MAGI2: variants seen among roughly 807,000 people sequenced by gnomAD.
MAGI2 encodes membrane associated guanylate kinase, WW and PDZ domain containing 2.
In MAGI2, 35 loss-of-function variants were observed where a neutral mutation model predicts 133.3. The observed-to-expected ratio is 0.26, with a 90% CI of 0.20 to 0.35. MAGI2 has a LOEUF of 0.35. Ranked by LOEUF, MAGI2 falls within the 10% of genes least tolerant of loss-of-function variation. The pLI, the probability that MAGI2 is intolerant of heterozygous loss-of-function variation, is 1.00. For synonymous variants in MAGI2, 729 were observed against 710.6 expected, an observed-to-expected ratio of 1.03 and a Z score of -0.41; for missense variants, 1,636 against 1,863.4, an observed-to-expected ratio of 0.88 and a Z score of 2.25.
chr7:78,960,530 A>G (rs1802749745), intron 2 of MAGI2, among the ~76,000 whole-genome samples: 1 of 152,128 alleles, frequency 6.6e-6, no homozygotes. Context: ...TGCAGAAATC[A>G]TATTCAAAGA....
intron 1 of MAGI2, among the ~76,000 whole-genome samples, chr7:79,023,058 A>G (rs1466437485): frequency 6.6e-6 from 1 of 152,136 alleles, no homozygotes; most frequent in African/African-American, 2.4e-5. Flanking sequence ...GGCTAATATC[A>G]TTTATGAATA....
chr7:78,605,202 T>C (rs1224344816), intron 3 of MAGI2, among the ~76,000 whole-genome samples: 5 of 152,196 alleles, frequency 3.3e-5, no homozygotes, highest in Non-Finnish European at 2.9e-5. Context: ...TTAGACTAGG[T>C]TGATGGCAAT....
At chr7:78,462,894 T>G (rs577781727) in intron 6 of MAGI2, among the ~76,000 whole-genome samples, 2 of 152,136 alleles carry the variant, frequency 1.3e-5, no homozygotes, top group African/African-American at 4.8e-5. Context: ...CAACTTAACA[T>G]GAAGATATTC....
At chr7:78,609,953 T>C (rs1319710369) in intron 3 of MAGI2, among the ~76,000 whole-genome samples, 1 of 152,126 alleles carries the variant, frequency 6.6e-6, no homozygotes, top group Non-Finnish European at 1.5e-5. Context: ...ATTGTATCTC[T>C]TGGTGGCAGC....
At chr7:78,767,826 C>G (rs1201432159) in intron 2 of MAGI2, among the ~76,000 whole-genome samples, 1 of 152,164 alleles carries the variant, frequency 6.6e-6, no homozygotes, top group Non-Finnish European at 1.5e-5. Context: ...AAGCTCAAAG[C>G]TATAGGAATA....
intron 10 of MAGI2, among the ~76,000 whole-genome samples, chr7:78,209,498 T>C (rs1787552900): frequency 1.3e-5 from 2 of 151,796 alleles, no homozygotes; most frequent in Admixed American, 6.6e-5. Context: ...CCTGACCTCA[T>C]GATCTGCCCA....
chr7:78,420,921 A>G (rs1798735633), intron 6 of MAGI2, among the ~76,000 whole-genome samples: 1 of 152,218 alleles, frequency 6.6e-6, no homozygotes, highest in Non-Finnish European at 1.5e-5. Flanking sequence ...AGAGAAAGAA[A>G]GGAATAAAGT....
chr7:78,934,210 T>C (rs1419926313), intron 2 of MAGI2, among the ~76,000 whole-genome samples: 1 of 152,162 alleles, frequency 6.6e-6, no homozygotes, highest in Non-Finnish European at 1.5e-5. Context: ...CAAGCAATTC[T>C]CCTGCCTCAG....
At chr7:78,089,453 A>G (rs1364665197) in intron 20 of MAGI2, among the ~76,000 whole-genome samples, 1 of 152,252 alleles carries the variant, frequency 6.6e-6, no homozygotes, top group Non-Finnish European at 1.5e-5. Flanking sequence ...AACATCAAAT[A>G]TGCCAAATAT....
chr7:78,846,889 G>T (rs1792663305), intron 2 of MAGI2, among the ~76,000 whole-genome samples: 1 of 151,828 alleles, frequency 6.6e-6, no homozygotes, highest in East Asian at 1.9e-4. Flanking sequence ...TTATTTTCCT[G>T]GTAGGGGAAG....
chr7:78,619,746 C>G (rs1807518900), intron 3 of MAGI2, among the ~76,000 whole-genome samples: 1 of 151,920 alleles, frequency 6.6e-6, no homozygotes, highest in South Asian at 2.1e-4. Flanking sequence ...CGTACACTAT[C>G]TGTTGATAAC....
At chr7:78,449,123 C>A (rs1381985397) in intron 6 of MAGI2, among the ~76,000 whole-genome samples, 1 of 152,012 alleles carries the variant, frequency 6.6e-6, no homozygotes, top group East Asian at 1.9e-4. Flanking sequence ...GTGCCCCTTT[C>A]CATCACTATC....
chr7:79,450,845 C>T (rs1480814485), intron 1 of MAGI2, among the ~76,000 whole-genome samples: 1 of 152,114 alleles, frequency 6.6e-6, no homozygotes, highest in Non-Finnish European at 1.5e-5. Flanking sequence ...ACAGGGTGCT[C>T]ACAAATTTTT....
At chr7:78,129,957 AAAAG>A (rs1821397262) in intron 18 of MAGI2, among the ~76,000 whole-genome samples, 4 of 151,508 alleles carry the variant, frequency 2.6e-5, no homozygotes, top group South Asian at 2.1e-4. Context: ...AAAAAAAAAA[AAAAG>A]AATCACTTCC....
chr7:79,307,232 G>A (rs1055640755), intron 1 of MAGI2, among the ~76,000 whole-genome samples: 1 of 152,146 alleles, frequency 6.6e-6, no homozygotes, highest in Non-Finnish European at 1.5e-5. Context: ...TGCTTTATTA[G>A]CCATTGTTCT....
chr7:79,234,404 C>G (rs1246409603), intron 1 of MAGI2, among the ~76,000 whole-genome samples: 1 of 151,918 alleles, frequency 6.6e-6, no homozygotes, highest in Non-Finnish European at 1.5e-5. Flanking sequence ...CAACTTGGTT[C>G]CATTCTCCCC....
intron 2 of MAGI2, among the ~76,000 whole-genome samples, chr7:78,743,364 T>G (rs2151259104): frequency 6.6e-6 from 1 of 152,308 alleles, no homozygotes; most frequent in East Asian, 1.9e-4. Context: ...GTTTAGCTAA[T>G]GAGACAATGA....
chr7:78,227,812 G>T (rs1789542277), intron 10 of MAGI2, among the ~76,000 whole-genome samples: 1 of 149,942 alleles, frequency 6.7e-6, no homozygotes, highest in African/African-American at 2.4e-5. Flanking sequence ...ACCTGAGGAA[G>T]TTGTGTCATA....
At chr7:78,604,101 A>T (rs1805521680) in intron 3 of MAGI2, among the ~76,000 whole-genome samples, 1 of 152,232 alleles carries the variant, frequency 6.6e-6, no homozygotes, top group Admixed American at 6.5e-5. Flanking sequence ...AGCACTGAAG[A>T]CTAAAGGAGT....
Sources: gnomAD v4.1 joint callset for allele counts (sites outside exome capture counted in the v4.1 genomes callset) on GRCh38, gnomAD v4.1.1 for gene constraint, MANE v1.5 for transcripts, NCBI Gene and HGNC (gene_info 2026-07-23, HGNC 2026-07-21) for gene names.